Variants in OPTN observed in about 807,000 individuals in gnomAD.
The protein encoded by OPTN is E3-14.7K-interacting protein.
OPTN carries 54 observed loss-of-function variants against 70.4 expected under a neutral mutation model. That is an observed-to-expected ratio of 0.77 (90% CI 0.62 to 0.96). OPTN has a LOEUF of 0.96. Ranked by LOEUF, OPTN falls within the 40% of genes least tolerant of loss-of-function variation. The pLI, the probability that OPTN is intolerant of heterozygous loss-of-function variation, is 0.00. For missense variants in OPTN, 624 were observed against 673.2 expected, an observed-to-expected ratio of 0.93 and a Z score of 0.81; for synonymous variants, 256 against 248.5, an observed-to-expected ratio of 1.03 and a Z score of -0.28.
chr10:13,110,764 G>A (rs1225001730), intron 4 of OPTN, among the ~76,000 whole-genome samples: 1 of 152,160 alleles, frequency 6.6e-6, no homozygotes, highest in Non-Finnish European at 1.5e-5. Context: ...TATAGATGGT[G>A]CAGATGGGCC....
intron 4 of OPTN, among the ~76,000 whole-genome samples, chr10:13,111,253 T>C (rs1832988630): frequency 6.6e-6 from 1 of 152,218 alleles, no homozygotes; most frequent in Admixed American, 6.5e-5. Context: ...ATGAGTCCAC[T>C]GTTGCCAAAG....
In OPTN at chr10:13,138,062, T is replaced by G. The variant is rs1419874930; in HGVS notation, c.*1196T>G. The G allele has an allele frequency of 1.5e-5, 3 of 199,602 alleles. No homozygotes were observed. The highest frequency in any genetic ancestry group is 6.9e-5 in the African/African-American group (3 of 43,460). 12.4% of individuals were successfully genotyped at this position (199,602 alleles called of 1,614,324 possible). A position where few individuals can be genotyped will look rare whatever the true frequency, so the allele number is the denominator to read the frequency against. ...ATTTGGCTTCATTTAAGCTGTATAC[T>G]TAGTCATATATCTTTCATTAGTTCT... On this transcript the variant is annotated 3_prime_UTR_variant, in exon 15 of 15. Transcript: ENST00000378747.
chr10:13,109,335 AG>A (rs1156458839), intron 3 of OPTN, 47 bp downstream of exon 3: 2 of 1,598,142 alleles, frequency 1.3e-6, no homozygotes, highest in Non-Finnish European at 1.7e-6. Context: ...TGGGCCTGCA[AG>A]AAATGCCATC....
At chr10:13,116,743 A>C (rs1833217772) in intron 6 of OPTN, among the ~76,000 whole-genome samples, 1 of 152,174 alleles carries the variant, frequency 6.6e-6, no homozygotes. Flanking sequence ...TTTCCCTGCT[A>C]CTTCCCAGTT....
rs1564371032 is a variant in OPTN at position 13,136,942 on chromosome 10, TTTG to T, written c.*79_*81del. Reference sequence around the variant, plus strand: ...CTCCAAGAGTTGTGCTTTTGTGTTATTTGTTTTCACTCAAATATTTTGCCTCAT... The same window carrying T: ...CTCCAAGAGTTGTGCTTTTGTGTTATTTTTCACTCAAATATTTTGCCTCAT... On this transcript the variant is annotated 3_prime_UTR_variant, in exon 15 of 15. Coordinates refer to ENST00000378747, the MANE Select transcript of OPTN (RefSeq NM_001008212.2). 12 of 1,589,472 alleles carry T rather than the reference TTTG, an allele frequency of 7.5e-6. No individual in the cohort carries two copies. Among genetic ancestry groups the T allele is most frequent in the Non-Finnish European group, 1.0e-5 (12 of 1,160,768 alleles).
At chr10:13,136,658 T>C (rs2131534835) in intron 14 of OPTN, 87 bp from the exon 15 acceptor site, 1 of 1,532,546 alleles carries the variant, frequency 6.5e-7, no homozygotes, top group Non-Finnish European at 9.0e-7. Context: ...GTTGAACTGA[T>C]GTTAAAACTC....
chr10:13,102,708 C>T lies in OPTN; in HGVS notation c.-164+2406C>T, dbSNP rs536104713. Among the ~76,000 whole-genome samples the T allele has an allele frequency of 8.5e-5, 13 of 152,120 alleles. No homozygotes were observed. In the East Asian group the frequency reaches 1.4e-3, roughly 16 times the overall value. On this transcript the variant is annotated intron_variant, in intron 1 of 14. Coordinates refer to ENST00000378747, the MANE Select transcript of OPTN (RefSeq NM_001008212.2). ...CTGTAATCCCAGCACTTAGGGAGGC[C>T]GAGGTGGGTGGATCACTTGAGATCA...
chr10:13,134,549 C>T (rs1223222070), intron 14 of OPTN, among the ~76,000 whole-genome samples: 3 of 152,176 alleles, frequency 2.0e-5, no homozygotes, highest in African/African-American at 7.2e-5. Context: ...TCTCCTGGCT[C>T]AGCCTCCCAA....
At chr10:13,132,224 G>C (rs1833608042) in intron 13 of OPTN, 27 bp downstream of exon 13, 1 of 1,609,466 alleles carries the variant, frequency 6.2e-7, no homozygotes, top group African/African-American at 1.3e-5. Context: ...GGAGGACCCA[G>C]AGCTCACATC....
chr10:13,135,125 G>T (rs1416843178), intron 14 of OPTN, among the ~76,000 whole-genome samples: 1 of 152,108 alleles, frequency 6.6e-6, no homozygotes, highest in Non-Finnish European at 1.5e-5. Flanking sequence ...AGCAAATAAA[G>T]GTTGCCTCCA....
intron 7 of OPTN, among the ~76,000 whole-genome samples, chr10:13,121,659 C>G (rs1029348699): frequency 1.3e-5 from 2 of 152,072 alleles, no homozygotes; most frequent in Non-Finnish European, 2.9e-5. Flanking sequence ...CTGGAGTTCC[C>G]ACAGTGTGAA....
rs934287314 is a variant in OPTN at position 13,109,249 on chromosome 10, C to T, written c.127C>T (p.Gln43Ter). Residue 43 changes from glutamine (Q) to a stop codon, truncating the protein, a stop_gained, in exon 3 of 15, where the codon CAG becomes TAG. Transcript: ENST00000378747. LOFTEE classifies it high-confidence loss of function. ...DTFTPEELLQ[Q>*]MKELLTENHQ... ...GTTTACCCCGGAGGAGCTGCTGCAGCAGATGAAAGAGCTCCTGACCGAGAA... is the reference window on the plus strand; with the variant it reads ...GTTTACCCCGGAGGAGCTGCTGCAGTAGATGAAAGAGCTCCTGACCGAGAA... 9 of 1,613,874 alleles carry T rather than the reference C, an allele frequency of 5.6e-6. No homozygotes were observed. The highest frequency in any genetic ancestry group is 7.6e-6 in the Non-Finnish European group (9 of 1,179,978).
At chr10:13,114,461 C>T (rs1179962284) in intron 5 of OPTN, among the ~76,000 whole-genome samples, 3 of 151,900 alleles carry the variant, frequency 2.0e-5, no homozygotes, top group African/African-American at 7.3e-5. Flanking sequence ...TGAGAAGTTT[C>T]CAGATGAAGC....
At chr10:13,111,213 C>T (rs568170578) in intron 4 of OPTN, among the ~76,000 whole-genome samples, 1 of 152,152 alleles carries the variant, frequency 6.6e-6, no homozygotes, top group South Asian at 2.1e-4. Flanking sequence ...AACGTTTTTT[C>T]CTTCCTTTCT....
chr10:13,132,855 AAC>A lies in OPTN; in HGVS notation c.1533-645_1533-644del, dbSNP rs1194634652. 5.2e-4 allele frequency among the ~76,000 whole-genome samples: 79 copies of A among 152,314 alleles called. 1 individual carries two copies. Among genetic ancestry groups the A allele is most frequent in the Non-Finnish European group, 5.3e-4 (36 of 68,026 alleles). Reference sequence around the variant, plus strand: ...CACAGCAAAATTCAGAGAATAAAATAACAGACTCTACTATGTACTCCTTCCTG... The same window carrying A: ...CACAGCAAAATTCAGAGAATAAAATAAGACTCTACTATGTACTCCTTCCTG... On this transcript the variant is annotated intron_variant, in intron 13 of 14. Coordinates refer to ENST00000378747, the MANE Select transcript of OPTN (RefSeq NM_001008212.2).
intron 1 of OPTN, chr10:13,104,515 TA>T: frequency 2.5e-6 from 1 of 400,506 alleles, no homozygotes. Flanking sequence ...TACATCATAG[TA>T]AAACAGGCCC....
intron 11 of OPTN, among the ~76,000 whole-genome samples, chr10:13,127,105 AG>A (rs1833484048): frequency 6.6e-6 from 1 of 152,190 alleles, no homozygotes; most frequent in Admixed American, 6.5e-5. Flanking sequence ...GTGAATTAGA[AG>A]GGATCTTTGA....
intron 6 of OPTN, among the ~76,000 whole-genome samples, chr10:13,116,967 ACT>A (rs1432216402): frequency 6.6e-6 from 1 of 151,090 alleles, no homozygotes; most frequent in Non-Finnish European, 1.5e-5. Context: ...GAACCTCTTG[ACT>A]CTCGCAAAGC....
intron 14 of OPTN, among the ~76,000 whole-genome samples, chr10:13,135,739 C>T (rs1411447540): frequency 3.9e-5 from 6 of 151,980 alleles, no homozygotes; most frequent in Non-Finnish European, 8.8e-5. Context: ...CTCTCCTGGG[C>T]TCTGTGGATT....
Sources: gnomAD v4.1 joint callset for allele counts (sites outside exome capture counted in the v4.1 genomes callset) on GRCh38, gnomAD v4.1.1 for gene constraint, MANE v1.5 for transcripts, NCBI Gene and HGNC (gene_info 2026-07-23, HGNC 2026-07-21) for gene names.